Variants in MAPK4 observed in about 807,000 individuals in gnomAD.
MAPK4 encodes the protein Erk3-related.
Under a neutral mutation model 47.7 loss-of-function variants are expected in MAPK4, and 22 were observed. The ratio of observed to expected loss-of-function variants is 0.46; its 90% confidence interval spans 0.33 to 0.66. MAPK4 has a LOEUF of 0.66. MAPK4 is among the 30% of genes least tolerant of loss of function. The probability of loss-of-function intolerance (pLI) is 0.02; values close to 1 mark genes in which losing one functional copy is unlikely to be tolerated. For synonymous variants in MAPK4, 390 were observed against 365.7 expected (o/e 1.07, Z -0.76); for missense variants, 736 against 831.7 (o/e 0.88, Z 1.42).
At chr18:50,599,282 T>C (rs1437852770) in intron 1 of MAPK4, among the ~76,000 whole-genome samples, 2 of 152,228 alleles carry the variant, frequency 1.3e-5, no homozygotes, top group South Asian at 2.1e-4. Flanking sequence ...ACTTCTCTAA[T>C]CTGTAAATAG....
chr18:50,718,994 G>T (rs1413065172), intron 3 of MAPK4, among the ~76,000 whole-genome samples: 1 of 147,694 alleles, frequency 6.8e-6, no homozygotes, highest in Non-Finnish European at 1.5e-5. Flanking sequence ...TAAGACAGGG[G>T]AATTGCTTGA....
intron 1 of MAPK4, among the ~76,000 whole-genome samples, chr18:50,576,302 C>T (rs1423823577): frequency 6.6e-6 from 1 of 152,206 alleles, no homozygotes; most frequent in Non-Finnish European, 1.5e-5. Context: ...GAACACTATG[C>T]AGCCATAAGA....
intron 1 of MAPK4, among the ~76,000 whole-genome samples, chr18:50,594,418 A>G (rs988345159): frequency 6.6e-6 from 1 of 152,228 alleles, no homozygotes; most frequent in African/African-American, 2.4e-5. Flanking sequence ...CAAATAGATC[A>G]ATGAAACAGA....
chr18:50,597,938 G>C (rs542109469), intron 1 of MAPK4, among the ~76,000 whole-genome samples: 3 of 152,216 alleles, frequency 2.0e-5, no homozygotes, highest in African/African-American at 2.4e-5. Context: ...ACATATTAAA[G>C]CATCTCTATC....
chr18:50,729,547 C>CGGCCAGCCTCTTCCTGGAGATCGCGCA lies in MAPK4; in HGVS notation c.1459_1485dup (p.Ala487_Gln495dup). 1 of 1,426,930 alleles carries CGGCCAGCCTCTTCCTGGAGATCGCGCA rather than the reference C, an allele frequency of 7.0e-7. No individual in the cohort carries two copies. The highest frequency in any genetic ancestry group is 9.2e-7 in the Non-Finnish European group (1 of 1,089,894). 88.4% of individuals were successfully genotyped at this position (1,426,930 alleles called of 1,614,324 possible). On this transcript the variant is annotated inframe_insertion, in exon 6 of 6. Transcript: ENST00000400384. ...GACACGGGGGCGCGCGAGGACGAGC[C>CGGCCAGCCTCTTCCTGGAGATCGCGCA]GGCCAGCCTCTTCCTGGAGATCGCG...
At position 50,725,485 on chromosome 18, in the gene MAPK4, T is replaced by G. The variant is rs183582392; in HGVS notation, c.854-477T>G. 3.6e-3 allele frequency among the ~76,000 whole-genome samples: 546 copies of G among 152,320 alleles called. 1 individual carries two copies. Among genetic ancestry groups the G allele is most frequent in the Non-Finnish European group, 5.8e-3 (396 of 68,030 alleles). ...TTAAGCCATGACAAAGGGAAGTTGG[T>G]ATATAAATATCCCAGCTTCCCTGCC... On this transcript the variant is annotated intron_variant, in intron 4 of 5. Coordinates refer to ENST00000400384, the MANE Select transcript of MAPK4 (RefSeq NM_002747.4).
intron 2 of MAPK4, among the ~76,000 whole-genome samples, chr18:50,689,491 G>T (rs1909092205): frequency 6.6e-6 from 1 of 152,096 alleles, no homozygotes; most frequent in South Asian, 2.1e-4. Context: ...GAGGAGATGG[G>T]CAGGGGGAAT....
chr18:50,654,816 G>C (rs1278032773), intron 1 of MAPK4, among the ~76,000 whole-genome samples: 1 of 152,224 alleles, frequency 6.6e-6, no homozygotes, highest in South Asian at 2.1e-4. Context: ...TGTGGTGCTG[G>C]AGTTCCGACG....
intron 5 of MAPK4, among the ~76,000 whole-genome samples, chr18:50,728,117 C>T (rs1247522164): frequency 6.6e-6 from 1 of 152,210 alleles, no homozygotes; most frequent in Non-Finnish European, 1.5e-5. Flanking sequence ...CCCACACAGC[C>T]GAATCTGCCT....
At chr18:50,728,678 C>T (rs1360195719) in intron 5 of MAPK4, among the ~76,000 whole-genome samples, 1 of 152,208 alleles carries the variant, frequency 6.6e-6, no homozygotes, top group African/African-American at 2.4e-5. Context: ...AATGTGGGTC[C>T]AATGCCCAGC....
At position 50,729,863 on chromosome 18, in the gene MAPK4, G is replaced by A. The variant is rs1189400701; in HGVS notation, c.*9G>A. Reference sequence around the variant, plus strand: ...CCAAAGAAAGGTGGTGAGGGCGGAGGGGCCGCTCCAGGCCCCACAGAGCAG... The same window carrying A: ...CCAAAGAAAGGTGGTGAGGGCGGAGAGGCCGCTCCAGGCCCCACAGAGCAG... On this transcript the variant is annotated 3_prime_UTR_variant, in exon 6 of 6. Transcript: ENST00000400384. 6.3e-7 allele frequency: 1 copy of A among 1,596,710 alleles called. No homozygotes were observed. Among genetic ancestry groups the A allele is most frequent in the Non-Finnish European group, 8.5e-7 (1 of 1,170,578 alleles).
intron 1 of MAPK4, among the ~76,000 whole-genome samples, chr18:50,655,576 G>A (rs9953685): frequency 0.33 from 49,740 of 151,942 alleles, 8,242 homozygotes; most frequent in Admixed American, 0.36. Context: ...AGGGAGCAGC[G>A]CTTAATTTCA....
intron 1 of MAPK4, among the ~76,000 whole-genome samples, chr18:50,660,168 C>CAG (rs376136790): frequency 2.6e-5 from 4 of 152,082 alleles, no homozygotes; most frequent in African/African-American, 9.7e-5. Context: ...TGTAAAGAAA[C>CAG]AGGAAAGAAA....
At chr18:50,708,463 A>G (rs1255523098) in intron 2 of MAPK4, among the ~76,000 whole-genome samples, 2 of 152,230 alleles carry the variant, frequency 1.3e-5, no homozygotes, top group Non-Finnish European at 2.9e-5. Flanking sequence ...CCATCTAGGA[A>G]CTTGCTGGTC....
At chr18:50,581,525 T>G (rs2042344615) in intron 1 of MAPK4, among the ~76,000 whole-genome samples, 1 of 152,240 alleles carries the variant, frequency 6.6e-6, no homozygotes, top group Non-Finnish European at 1.5e-5. Flanking sequence ...CTTTTCTTTC[T>G]CTTCATTAGA....
At chr18:50,600,796 C>G (rs566798577) in intron 1 of MAPK4, among the ~76,000 whole-genome samples, 1 of 150,798 alleles carries the variant, frequency 6.6e-6, no homozygotes, top group Non-Finnish European at 1.5e-5. Context: ...GAAGAGGATG[C>G]TTTTTAAAAA....
chr18:50,693,802 A>G (rs945608643), intron 2 of MAPK4, among the ~76,000 whole-genome samples: 3 of 145,890 alleles, frequency 2.1e-5, no homozygotes, highest in African/African-American at 7.4e-5. Flanking sequence ...TAAGGCCTAG[A>G]GTGGCTAAGA....
intron 4 of MAPK4, among the ~76,000 whole-genome samples, chr18:50,724,161 G>A (rs1307403621): frequency 2.0e-5 from 3 of 152,056 alleles, no homozygotes; most frequent in Admixed American, 2.0e-4. Context: ...ACAAGCATGC[G>A]CCACCTTGGC....
chr18:50,601,627 T>C (rs2042542569), intron 1 of MAPK4, among the ~76,000 whole-genome samples: 1 of 152,156 alleles, frequency 6.6e-6, no homozygotes, highest in Admixed American at 6.5e-5. Context: ...GTCTTTTGAA[T>C]AGGATGCACC....
Sources: gnomAD v4.1 joint callset for allele counts (sites outside exome capture counted in the v4.1 genomes callset) on GRCh38, gnomAD v4.1.1 for gene constraint, MANE v1.5 for transcripts, NCBI Gene and HGNC (gene_info 2026-07-23, HGNC 2026-07-21) for gene names.